Variants in JADE3 observed in about 807,000 individuals in gnomAD.
JADE3 encodes the protein protein Jade-3.
A neutral mutation model predicts 50.1 loss-of-function variants in JADE3; 2 were observed. The ratio of observed to expected loss-of-function variants is 0.04; its 90% CI spans 0.02 to 0.13. The LOEUF is 0.13. Among genes scored for constraint, JADE3 ranks in the 10% least tolerant of loss-of-function variants. The pLI is 1.00. For synonymous variants in JADE3, 218 were observed against 232.9 expected (o/e 0.94, Z 0.58); for missense variants, 475 against 634.4 (o/e 0.75, Z 2.70).
chrX:46,914,441 C>T (rs1169161599), intron 1 of JADE3, among the ~76,000 whole-genome samples: 4 of 111,155 alleles, frequency 3.6e-5, no homozygotes, highest in African/African-American at 9.8e-5. Context: ...GAGTATTCTA[C>T]CTCCATAACA....
chrX:47,015,507 C>G (rs1005594761), intron 4 of JADE3, among the ~76,000 whole-genome samples: 2 of 107,280 alleles, frequency 1.9e-5, no homozygotes. Flanking sequence ...TCGCTTGAAC[C>G]TGGGAAACAG....
intron 1 of JADE3, among the ~76,000 whole-genome samples, chrX:46,915,762 A>C (rs1160326375): frequency 9.0e-5 from 10 of 110,603 alleles, no homozygotes; most frequent in Admixed American, 1.9e-4. Flanking sequence ...GAAAGTAAAA[A>C]AAAAAAAAGG....
chrX:46,928,857 C>T (rs1263177933), intron 1 of JADE3, among the ~76,000 whole-genome samples: 1 of 111,819 alleles, frequency 8.9e-6, no homozygotes, highest in Non-Finnish European at 1.9e-5. Flanking sequence ...AAGTGATTCT[C>T]CTGCCTCAGC....
At chrX:46,942,119 C>A (rs1333027204) in intron 1 of JADE3, among the ~76,000 whole-genome samples, 2 of 110,465 alleles carry the variant, frequency 1.8e-5, no homozygotes, top group African/African-American at 6.6e-5. Context: ...AGATATTAGA[C>A]CTTTGTTGGA....
intron 3 of JADE3, among the ~76,000 whole-genome samples, chrX:46,993,599 T>C (rs1928062120): frequency 8.9e-6 from 1 of 112,187 alleles, no homozygotes; most frequent in Non-Finnish European, 1.9e-5. Context: ...TGCTTTATGG[T>C]AATTGATGTT....
intron 1 of JADE3, among the ~76,000 whole-genome samples, chrX:46,976,132 C>T (rs1237449318): frequency 8.9e-6 from 1 of 111,793 alleles, no homozygotes; most frequent in Non-Finnish European, 1.9e-5. Context: ...CATGGCCCTG[C>T]AGAGGGCAGT....
intron 1 of JADE3, among the ~76,000 whole-genome samples, chrX:46,978,716 T>A (rs1489727787): frequency 4.5e-5 from 5 of 111,347 alleles, no homozygotes; most frequent in Non-Finnish European, 9.4e-5. Context: ...ATTCTTGCTG[T>A]CATCCCTCCA....
At chrX:47,029,406 G>GTAGA (rs1456597868) in intron 6 of JADE3, among the ~76,000 whole-genome samples, 2 of 111,831 alleles carry the variant, frequency 1.8e-5, no homozygotes, top group Non-Finnish European at 3.8e-5. Context: ...AAGTGGCAGA[G>GTAGA]TAGAGTAGGG....
At chrX:47,034,773 TTTTTTTTTTTTG>T (rs1929097453) in intron 7 of JADE3, among the ~76,000 whole-genome samples, 1 of 106,053 alleles carries the variant, frequency 9.4e-6, no homozygotes. Context: ...CTAATTTTTT[TTTTTTTTTTTTG>T]GTATTTTTAG....
chrX:47,017,881 A>G (rs1411701807), intron 4 of JADE3, among the ~76,000 whole-genome samples: 2 of 111,738 alleles, frequency 1.8e-5, no homozygotes, highest in Non-Finnish European at 3.8e-5. Flanking sequence ...ATCTCAGACT[A>G]AAAATGTCCC....
chrX:46,965,401 T>C (rs1337808305), intron 1 of JADE3, among the ~76,000 whole-genome samples: 1 of 111,506 alleles, frequency 9.0e-6, no homozygotes, highest in African/African-American at 3.3e-5. Context: ...AAAGGAAGAA[T>C]AACATCCATT....
chrX:47,007,156 A>G (rs1928446955), intron 4 of JADE3, among the ~76,000 whole-genome samples: 1 of 111,365 alleles, frequency 9.0e-6, no homozygotes, highest in Non-Finnish European at 1.9e-5. Context: ...ATATAATTCC[A>G]GTTATTTAAA....
At chrX:46,956,741 T>A (rs1295101352) in intron 1 of JADE3, among the ~76,000 whole-genome samples, 2 of 109,890 alleles carry the variant, frequency 1.8e-5, no homozygotes, top group Non-Finnish European at 3.8e-5. Context: ...CCTTCCTTTT[T>A]TCTTTTTTTT....
chrX:47,026,695 TTTAAG>T (rs781930407), intron 5 of JADE3, among the ~76,000 whole-genome samples: 4 of 111,752 alleles, frequency 3.6e-5, no homozygotes, highest in African/African-American at 9.7e-5. Context: ...TTAAGAACTT[TTTAAG>T]TTGAGTGCTG....
At chrX:47,030,124 T>G (rs782626323) in intron 6 of JADE3, among the ~76,000 whole-genome samples, 12 of 111,059 alleles carry the variant, frequency 1.1e-4, no homozygotes, top group Admixed American at 1.9e-4. Flanking sequence ...TTCCTAATTT[T>G]TCTTACCCTA....
In JADE3 at chrX:47,039,180, T is replaced by A. The variant is rs141338266; in HGVS notation, c.972+115T>A. ...CACTCAGGAGATCGCCCACCCACTCTTAGGGCTCTGCCATTGTACGGACCA... is the reference window on the plus strand; with the variant it reads ...CACTCAGGAGATCGCCCACCCACTCATAGGGCTCTGCCATTGTACGGACCA... On this transcript the variant is annotated intron_variant, in intron 8 of 10. Transcript: ENST00000614628. 2,754 of 440,537 alleles carry A rather than the reference T, an allele frequency of 6.3e-3. 54 individuals are homozygous for A. Among genetic ancestry groups the A allele is most frequent in the African/African-American group, 0.06 (2,412 of 40,406 alleles). The allele number at this position is 440,537 out of a possible 1,213,427, so 36.3% of individuals were successfully genotyped here. A position where few individuals can be genotyped will look rare whatever the true frequency, so the allele number is the denominator to read the frequency against.
intron 1 of JADE3, among the ~76,000 whole-genome samples, chrX:46,936,836 G>A (rs1926635081): frequency 9.0e-6 from 1 of 111,232 alleles, no homozygotes; most frequent in African/African-American, 3.3e-5. Flanking sequence ...AGTAATTTGA[G>A]TGTTCTTTTT....
chrX:46,948,701 A>G (rs1444677569), intron 1 of JADE3, among the ~76,000 whole-genome samples: 4 of 111,591 alleles, frequency 3.6e-5, no homozygotes, highest in Non-Finnish European at 7.5e-5. Flanking sequence ...TGAACAAGTC[A>G]TAAGGGTACA....
At chrX:46,997,121 G>C (rs1388914604) in intron 3 of JADE3, among the ~76,000 whole-genome samples, 2 of 111,708 alleles carry the variant, frequency 1.8e-5, no homozygotes, top group Non-Finnish European at 3.8e-5. Flanking sequence ...CCAGAACTAA[G>C]GAAGGATTTC....
Sources: gnomAD v4.1 joint callset for allele counts (sites outside exome capture counted in the v4.1 genomes callset) on GRCh38, gnomAD v4.1.1 for gene constraint, MANE v1.5 for transcripts, NCBI Gene and HGNC (gene_info 2026-07-23, HGNC 2026-07-21) for gene names.